Variants in MTMR10 observed in about 807,000 individuals in gnomAD.
The protein encoded by MTMR10 is myotubularin-related protein 10.
A neutral mutation model predicts 88.1 loss-of-function variants in MTMR10; 56 were observed. That is an observed-to-expected ratio of 0.64 (90% CI 0.51 to 0.79). The LOEUF (loss-of-function observed/expected upper bound fraction) is 0.79. Ranked by LOEUF, MTMR10 falls within the 30% of genes least tolerant of loss-of-function variation. The pLI is 0.00. For synonymous variants in MTMR10, 380 were observed against 340.9 expected, an observed-to-expected ratio of 1.11 and a Z score of -1.26; for missense variants, 883 against 924.7, an observed-to-expected ratio of 0.95 and a Z score of 0.58.
At chr15:30,975,445 T>C (rs1436326944) in intron 3 of MTMR10, among the ~76,000 whole-genome samples, 1 of 142,714 alleles carries the variant, frequency 7.0e-6, no homozygotes, top group African/African-American at 2.5e-5. Context: ...ACTAAGGACG[T>C]AGTTAACACT....
intron 11 of MTMR10, among the ~76,000 whole-genome samples, chr15:30,953,291 C>T (rs918748772): frequency 6.6e-6 from 1 of 152,104 alleles, no homozygotes; most frequent in Non-Finnish European, 1.5e-5. Context: ...GTGGTGGTTA[C>T]GTGAACCTAC....
the MTMR10 span, chr15:30,930,606 T>C: frequency 6.2e-7 from 1 of 1,612,976 alleles, no homozygotes; most frequent in Non-Finnish European, 8.5e-7. Context: ...GGCTGCTGAC[T>C]TTCGACACTG....
At chr15:30,965,284 T>C (rs2063459715) in intron 6 of MTMR10, among the ~76,000 whole-genome samples, 1 of 152,338 alleles carries the variant, frequency 6.6e-6, no homozygotes. Context: ...AATAACAAGA[T>C]CTATGTTAAT....
chr15:30,984,489 G>A (rs1178003742), intron 2 of MTMR10, among the ~76,000 whole-genome samples: 5 of 152,120 alleles, frequency 3.3e-5, no homozygotes, highest in Non-Finnish European at 7.4e-5. Flanking sequence ...CTACAAAAAG[G>A]AATTACATAA....
chr15:30,928,614 C>T, the MTMR10 span: 1 of 1,613,196 alleles, frequency 6.2e-7, no homozygotes, highest in Non-Finnish European at 8.5e-7. Flanking sequence ...GGGACATCAT[C>T]TTCATGGATG....
At chr15:30,955,343 T>C (rs902982263) in intron 9 of MTMR10, among the ~76,000 whole-genome samples, 3 of 152,206 alleles carry the variant, frequency 2.0e-5, no homozygotes, top group African/African-American at 7.2e-5. Context: ...CCATCTCGGC[T>C]CACTGCAACC....
At chr15:30,926,179 T>TA in the MTMR10 span, among the ~76,000 whole-genome samples, 1 of 152,220 alleles carries the variant, frequency 6.6e-6, no homozygotes, top group African/African-American at 2.4e-5. Context: ...TTATAAAAGT[T>TA]ATGGAAGGTA....
chr15:30,951,986 G>A lies in MTMR10; in HGVS notation c.1189C>T (p.Leu397Phe). 6.2e-7 allele frequency: 1 copy of A among 1,613,708 alleles called. No individual in the cohort carries two copies. The highest frequency in any genetic ancestry group is 8.5e-7 in the Non-Finnish European group (1 of 1,179,602). Residue 397 changes from leucine to phenylalanine, a missense_variant, in exon 12 of 16, where the codon CTC (leucine) becomes TTC (phenylalanine). Transcript: ENST00000435680. The stretch of plus-strand genomic sequence containing the variant: ...TAGTTACCTTGTAGGACTACAGAGA[G>A]ATGTTTGCTTTCTAGCATGTATACA... ...ELVYMLESKH[L>F]SVVLQEEEGR... is the part of the protein sequence containing the mutation.
At chr15:30,965,580 TAAAAGAG>T (rs2141031850) in intron 6 of MTMR10, among the ~76,000 whole-genome samples, 1 of 152,290 alleles carries the variant, frequency 6.6e-6, no homozygotes, top group East Asian at 1.9e-4. Flanking sequence ...TCTTTAAAGT[TAAAAGAG>T]AAAAAACAGA....
chr15:30,943,516 A>AACTT lies in MTMR10; in HGVS notation c.1549-448_1549-445dup, dbSNP rs1206256675. On this transcript the variant is annotated intron_variant, in intron 14 of 15. Transcript: ENST00000435680. ...TGGAAATCACTGCCACCAATTTTAT[A>AACTT]ACTTACTTCGTAAGTGGGGAGCTAC... 7.1e-6 allele frequency: 7 copies of AACTT among 985,462 alleles called. No homozygotes were observed. In the African/African-American group the frequency reaches 1.0e-4, roughly 15 times the overall value. 61.0% of individuals were successfully genotyped at this position (985,462 alleles called of 1,614,324 possible).
At chr15:30,930,953 G>A in the MTMR10 span, among the ~76,000 whole-genome samples, 621 of 152,304 alleles carry the variant, frequency 4.1e-3, 4 homozygotes, top group African/African-American at 0.014. Context: ...GGTTAGGAAC[G>A]AGTCTCTAGT....
intron 6 of MTMR10, among the ~76,000 whole-genome samples, chr15:30,961,931 G>C (rs2063407672): frequency 6.6e-6 from 1 of 152,094 alleles, no homozygotes; most frequent in Non-Finnish European, 1.5e-5. Flanking sequence ...ATTTTGCCTG[G>C]AAAAATGAAA....
the MTMR10 span, among the ~76,000 whole-genome samples, chr15:30,926,286 TC>T: frequency 6.6e-6 from 1 of 152,164 alleles, no homozygotes; most frequent in African/African-American, 2.4e-5. Flanking sequence ...TCCTGCCCCT[TC>T]CCTGGGATTT....
the MTMR10 span, chr15:30,929,471 T>A: frequency 8.6e-7 from 1 of 1,162,096 alleles, no homozygotes; most frequent in Non-Finnish European, 1.2e-6. Context: ...TCAGCAACTT[T>A]ATCAAAATAC....
At chr15:30,974,736 A>G (rs1187797549) in intron 4 of MTMR10, among the ~76,000 whole-genome samples, 195 bp downstream of exon 4, 1 of 152,200 alleles carries the variant, frequency 6.6e-6, no homozygotes, top group Admixed American at 6.5e-5. Context: ...AACTATGAAA[A>G]GTTATACATT....
intron 2 of MTMR10, among the ~76,000 whole-genome samples, chr15:30,986,395 G>T (rs1381570028): frequency 6.6e-6 from 1 of 151,596 alleles, no homozygotes; most frequent in Non-Finnish European, 1.5e-5. Flanking sequence ...TCACAAAATT[G>T]TATCTATAGT....
chr15:30,973,057 T>C (rs1010430007), intron 5 of MTMR10, among the ~76,000 whole-genome samples: 17 of 152,152 alleles, frequency 1.1e-4, no homozygotes, highest in African/African-American at 4.1e-4. Context: ...CAAATATAAA[T>C]AAGCTTGAGG....
chr15:30,926,335 G>A, the MTMR10 span, among the ~76,000 whole-genome samples: 15 of 152,162 alleles, frequency 9.9e-5, no homozygotes, highest in East Asian at 3.9e-4. Flanking sequence ...GGGGCCCTGC[G>A]GCCCATGCTA....
At chr15:30,944,498 A>T (rs553055200) in intron 14 of MTMR10, among the ~76,000 whole-genome samples, 1 of 151,338 alleles carries the variant, frequency 6.6e-6, no homozygotes, top group Non-Finnish European at 1.5e-5. Flanking sequence ...CCTGGAAGGC[A>T]GAGGTTGCAG....
Sources: allele counts gnomAD v4.1 joint callset (sites outside exome capture counted in the v4.1 genomes callset), GRCh38; gene constraint gnomAD v4.1.1; transcripts MANE v1.5; gene names NCBI Gene and HGNC (gene_info 2026-07-23, HGNC 2026-07-21).